The following PRKAG2 variants were observed in gnomAD, a reference collection of about 807,000 sequenced individuals.
PRKAG2 encodes the protein protein kinase AMP-activated non-catalytic subunit gamma 2, also known as 5'-AMP-activated protein kinase subunit gamma-2.
Under a neutral mutation model 69.6 loss-of-function variants are expected in PRKAG2, and 26 were observed. That is an observed-to-expected ratio of 0.37 (90% CI 0.27 to 0.52). The LOEUF (loss-of-function observed/expected upper bound fraction) is 0.52, where lower values mean the gene tolerates loss of function less well. Ranked by LOEUF, PRKAG2 falls within the 20% of genes least tolerant of loss-of-function variation. The pLI is 0.90. For synonymous variants in PRKAG2, 293 were observed against 285.0 expected, an observed-to-expected ratio of 1.03 and a Z score of -0.28; for missense variants, 557 against 740.0, an observed-to-expected ratio of 0.75 and a Z score of 2.87.
intron 1 of PRKAG2, among the ~76,000 whole-genome samples, chr7:151,857,608 C>T (rs1486091689): frequency 6.6e-5 from 10 of 152,204 alleles, no homozygotes; most frequent in Non-Finnish European, 1.3e-4. Flanking sequence ...CCCCTGCCAA[C>T]GGCCTCTGCT....
intron 3 of PRKAG2, among the ~76,000 whole-genome samples, chr7:151,740,818 C>T (rs952652683): frequency 6.6e-6 from 1 of 152,120 alleles, no homozygotes; most frequent in Non-Finnish European, 1.5e-5. Flanking sequence ...GAGGGGGGAA[C>T]CCAGGCCAGG....
At chr7:151,822,835 C>A (rs2078819658) in intron 1 of PRKAG2, among the ~76,000 whole-genome samples, 1 of 149,482 alleles carries the variant, frequency 6.7e-6, no homozygotes, top group Non-Finnish European at 1.5e-5. Context: ...CACACTCCCT[C>A]CCTCCCCACA....
intron 1 of PRKAG2, among the ~76,000 whole-genome samples, chr7:151,859,468 G>A (rs779073677): frequency 1.3e-5 from 2 of 152,206 alleles, no homozygotes; most frequent in Admixed American, 6.5e-5. Context: ...TGAGGGCAGC[G>A]CCCAGCACAT....
intron 6 of PRKAG2, among the ~76,000 whole-genome samples, chr7:151,591,354 T>G (rs1046264725): frequency 6.6e-6 from 1 of 152,236 alleles, no homozygotes; most frequent in Admixed American, 6.5e-5. Flanking sequence ...AAGCTGGCCA[T>G]CTTCACACTG....
Position 151,638,151 on chromosome 7 carries a change from C to T in PRKAG2, c.685-6013G>A, listed in dbSNP as rs770514311. On this transcript the variant is annotated intron_variant, in intron 4 of 15. Transcript: ENST00000287878. This position sits in a 1 kb window ranked among gnomAD's most constrained non-coding sequence, Gnocchi z 4.3. ...ATGGGCCAACCATGGCAGGGAGGAA[C>T]TGGGTTCTGCTAACAGCCTGGCACA... Among the ~76,000 whole-genome samples, 12 of 152,210 alleles carry T rather than the reference C, an allele frequency of 7.9e-5. No homozygotes were observed. Among genetic ancestry groups the T allele is most frequent in the Non-Finnish European group, 1.2e-4 (8 of 68,032 alleles).
Position 151,648,904 on chromosome 7 carries a change from AT to A in PRKAG2, c.685-16767del, listed in dbSNP as rs201909406. ...ATCAGGTATGTGAGAGAGGACCAGGATTTTTTTTTTTTCCTTTTTATGATCA... is the reference window on the plus strand; with the variant it reads ...ATCAGGTATGTGAGAGAGGACCAGGATTTTTTTTTTTCCTTTTTATGATCA... On this transcript the variant is annotated intron_variant, in intron 4 of 15. Transcript: ENST00000287878. 4.4e-3 allele frequency among the ~76,000 whole-genome samples: 479 copies of A among 108,400 alleles called. 3 individuals carry two copies. The highest frequency in any genetic ancestry group is 0.014 in the East Asian group (70 of 4,974). The allele number at this position is 108,400 out of a possible 152,430, so 71.1% of individuals were successfully genotyped here. A position where few individuals can be genotyped will look rare whatever the true frequency, so the allele number is the denominator to read the frequency against.
chr7:151,708,215 C>G (rs1585939684), intron 3 of PRKAG2, among the ~76,000 whole-genome samples: 1 of 151,860 alleles, frequency 6.6e-6, no homozygotes, highest in South Asian at 2.1e-4. Context: ...CAGCCAGCTA[C>G]TGTGAGGTAT....
intron 3 of PRKAG2, among the ~76,000 whole-genome samples, chr7:151,729,327 G>A (rs1798540895): frequency 6.6e-6 from 1 of 151,976 alleles, no homozygotes. Flanking sequence ...CGCACCCCTA[G>A]GAGTCTTCTG....
intron 4 of PRKAG2, among the ~76,000 whole-genome samples, chr7:151,648,345 G>T (rs768476464): frequency 4.3e-4 from 65 of 152,188 alleles, no homozygotes; most frequent in Admixed American, 6.5e-4. Flanking sequence ...CAAAAATGTC[G>T]CTATGAAAAC....
intron 15 of PRKAG2, chr7:151,560,204 C>T (rs1187766714): frequency 8.2e-7 from 1 of 1,213,762 alleles, no homozygotes; most frequent in Middle Eastern, 3.5e-4. Flanking sequence ...GTCACTAGTT[C>T]TCTCACAAAG....
At chr7:151,796,885 T>C (rs1454569881) in intron 1 of PRKAG2, among the ~76,000 whole-genome samples, 1 of 152,144 alleles carries the variant, frequency 6.6e-6, no homozygotes, top group Non-Finnish European at 1.5e-5. Context: ...AGGACTGTCT[T>C]CAGCTCTGAC....
intron 3 of PRKAG2, among the ~76,000 whole-genome samples, chr7:151,677,444 G>A (rs575148241): frequency 6.6e-6 from 1 of 152,226 alleles, no homozygotes; most frequent in Non-Finnish European, 1.5e-5. Flanking sequence ...TGCCTGCCCC[G>A]GCCTCCCAAA....
rs900012050 is a variant in PRKAG2 at position 151,614,639 on chromosome 7, C to T, written c.754+17430G>A. Among the ~76,000 whole-genome samples the T allele has an allele frequency of 2.0e-5, 3 of 152,160 alleles. No homozygotes were observed. The highest frequency in any genetic ancestry group is 4.4e-5 in the Non-Finnish European group (3 of 68,032). ...CCTTGTGGTGGTTCACTCCACTCCA[C>T]TGCCTTTCTTTCAGAGCAAACAGCT... On this transcript the variant is annotated intron_variant, in intron 5 of 15. Coordinates refer to ENST00000287878, the MANE Select transcript of PRKAG2 (RefSeq NM_016203.4). The surrounding 1 kb of genome is among the most constrained non-coding windows in gnomAD (Gnocchi z 4.4).
intron 6 of PRKAG2, 28 bp from the exon 7 acceptor site, chr7:151,576,480 T>C (rs1808961863): frequency 2.0e-6 from 3 of 1,532,088 alleles, no homozygotes; most frequent in Middle Eastern, 1.7e-4. Context: ...AAACAAAACA[T>C]ACTTTCAAAG....
chr7:151,678,499 C>A (rs1270903846), intron 3 of PRKAG2, among the ~76,000 whole-genome samples: 2 of 152,140 alleles, frequency 1.3e-5, no homozygotes, highest in Non-Finnish European at 2.9e-5. Flanking sequence ...AGAGAAGGAG[C>A]CCCCTTTTCC....
chr7:151,667,445 G>C (rs73481957), intron 4 of PRKAG2, among the ~76,000 whole-genome samples: 3,606 of 152,326 alleles, frequency 0.024, 153 homozygotes, highest in African/African-American at 0.082. Flanking sequence ...AGACCTAGCT[G>C]TTGAAACCAA....
At chr7:151,616,419 G>C (rs780406181) in intron 5 of PRKAG2, among the ~76,000 whole-genome samples, 1 of 152,232 alleles carries the variant, frequency 6.6e-6, no homozygotes, top group African/African-American at 2.4e-5. Flanking sequence ...GAAAATAGTG[G>C]ATAGGAAGCA....
intron 1 of PRKAG2, among the ~76,000 whole-genome samples, chr7:151,818,555 G>C (rs1586662379): frequency 6.6e-6 from 1 of 152,376 alleles, no homozygotes; most frequent in East Asian, 1.9e-4. Context: ...ATCTGCAAAA[G>C]GGCTGATGGC....
intron 1 of PRKAG2, 112 bp downstream of exon 1, chr7:151,876,395 G>A: frequency 9.3e-7 from 1 of 1,076,294 alleles, no homozygotes; most frequent in South Asian, 1.2e-5. Flanking sequence ...CGCCCGAAGT[G>A]ACAGGAGGGG....
Sources: allele counts gnomAD v4.1 joint callset (sites outside exome capture counted in the v4.1 genomes callset), GRCh38; gene constraint gnomAD v4.1.1; non-coding constraint Gnocchi (gnomAD v3.1); transcripts MANE v1.5; gene names NCBI Gene and HGNC (gene_info 2026-07-23, HGNC 2026-07-21).